Variants in NREP observed in about 807,000 individuals in gnomAD.
NREP encodes neuronal regeneration-related protein.
Under a neutral mutation model 8.6 loss-of-function variants are expected in NREP, and 5 were observed. The ratio of observed to expected loss-of-function variants is 0.58; its 90% confidence interval spans 0.30 to 1.22. The LOEUF (loss-of-function observed/expected upper bound fraction) is 1.22, where lower values mean the gene tolerates loss of function less well. Among genes scored for constraint, NREP ranks in the 50% most tolerant of loss-of-function variants. The pLI is 0.07. For missense variants in NREP, 86 were observed against 82.5 expected (o/e 1.04, Z -0.17); for synonymous variants, 27 against 28.0 (o/e 0.96, Z 0.11).
chr5:111,880,356 G>T (rs747731035), intron 2 of NREP, among the ~76,000 whole-genome samples: 23 of 152,182 alleles, frequency 1.5e-4, no homozygotes, highest in Non-Finnish European at 2.5e-4. Flanking sequence ...AGACGAGGTG[G>T]CTTAAACAAT....
intron 2 of NREP, among the ~76,000 whole-genome samples, chr5:111,839,893 C>A (rs1216583653): frequency 1.3e-5 from 2 of 152,024 alleles, no homozygotes; most frequent in African/African-American, 4.8e-5. Flanking sequence ...AGGTTAGTTA[C>A]TATTAACTCC....
intron 2 of NREP, among the ~76,000 whole-genome samples, chr5:111,775,955 T>C (rs1055641745): frequency 1.3e-5 from 2 of 152,158 alleles, no homozygotes; most frequent in Non-Finnish European, 2.9e-5. Context: ...ATATTCACTA[T>C]CACTTATAAT....
intron 2 of NREP, among the ~76,000 whole-genome samples, chr5:111,965,942 T>G (rs753210628): frequency 2.6e-5 from 4 of 152,054 alleles, no homozygotes; most frequent in Non-Finnish European, 4.4e-5. Flanking sequence ...GTTGAAGAAA[T>G]GATAGCACAG....
intron 2 of NREP, among the ~76,000 whole-genome samples, chr5:111,748,042 C>A: frequency 6.6e-6 from 1 of 152,120 alleles, no homozygotes; most frequent in East Asian, 1.9e-4. Context: ...CCATTAATAC[C>A]CTCACGCATA....
At chr5:111,840,730 C>T (rs1025198590) in intron 2 of NREP, among the ~76,000 whole-genome samples, 2 of 152,090 alleles carry the variant, frequency 1.3e-5, no homozygotes, top group Non-Finnish European at 2.9e-5. Context: ...ATGAATCAGA[C>T]ACAATCTTTT....
In NREP at chr5:111,855,011, A is replaced by AT. The variant is rs199697888; in HGVS notation, c.136-119505dup. 3.4e-3 allele frequency among the ~76,000 whole-genome samples: 516 copies of AT among 151,856 alleles called. 3 individuals are homozygous for AT. Among genetic ancestry groups the AT allele is most frequent in the African/African-American group, 0.012 (497 of 41,464 alleles). On this transcript the variant is annotated intron_variant, in intron 2 of 3. Coordinates refer to the NREP transcript ENST00000395634. ...CTACCAATGTTTATTCAGGTCACTG[A>AT]TTTTTTTTTATTAATATGATACAAT...
At chr5:111,921,754 T>C (rs1755246493) in intron 2 of NREP, among the ~76,000 whole-genome samples, 1 of 152,164 alleles carries the variant, frequency 6.6e-6, no homozygotes, top group South Asian at 2.1e-4. Context: ...ACTTGAATTG[T>C]ATCCCCCAGA....
chr5:111,907,085 G>T (rs1157579405), intron 2 of NREP, among the ~76,000 whole-genome samples: 1 of 151,898 alleles, frequency 6.6e-6, no homozygotes, highest in Non-Finnish European at 1.5e-5. Flanking sequence ...GTATACTTTG[G>T]ATTCAAGTTC....
chr5:111,787,419 G>A (rs551946535), intron 2 of NREP, among the ~76,000 whole-genome samples: 310 of 151,938 alleles, frequency 2.0e-3, no homozygotes, highest in Middle Eastern at 3.4e-3. Context: ...TGTGGGTTGC[G>A]AAGAAAACTA....
At chr5:111,755,443 C>G (rs1750637890) in intron 2 of NREP, 1 of 325,332 alleles carries the variant, frequency 3.1e-6, no homozygotes, top group African/African-American at 2.1e-5. Flanking sequence ...CTACTGCTGT[C>G]ACCACCTCCA....
intron 2 of NREP, among the ~76,000 whole-genome samples, chr5:111,890,073 G>A (rs1048442567): frequency 6.6e-6 from 1 of 152,188 alleles, no homozygotes; most frequent in Non-Finnish European, 1.5e-5. Flanking sequence ...CCATCTGGAT[G>A]TATATGTGCA....
At chr5:111,845,800 A>T (rs1328852124) in intron 2 of NREP, among the ~76,000 whole-genome samples, 1 of 152,050 alleles carries the variant, frequency 6.6e-6, no homozygotes, top group East Asian at 1.9e-4. Flanking sequence ...GAGTGCATGT[A>T]ATTCTGACAT....
At chr5:111,790,935 T>A (rs1450576507) in intron 2 of NREP, among the ~76,000 whole-genome samples, 4 of 152,138 alleles carry the variant, frequency 2.6e-5, no homozygotes, top group Non-Finnish European at 4.4e-5. Flanking sequence ...ACTTTTCATA[T>A]ATGTGGGTTC....
intron 2 of NREP, among the ~76,000 whole-genome samples, chr5:111,881,512 G>A (rs551539696): frequency 3.3e-4 from 51 of 152,260 alleles, no homozygotes; most frequent in African/African-American, 1.2e-3. Context: ...ATCTGAGAAT[G>A]GGCAGACTGC....
chr5:111,963,128 C>T (rs1230177537), intron 2 of NREP, among the ~76,000 whole-genome samples: 1 of 152,258 alleles, frequency 6.6e-6, no homozygotes, highest in East Asian at 1.9e-4. Context: ...GACAGCAGAG[C>T]TAAGAGAGAA....
intron 2 of NREP, among the ~76,000 whole-genome samples, chr5:111,829,638 T>G (rs1045700869): frequency 6.6e-6 from 1 of 152,186 alleles, no homozygotes; most frequent in Admixed American, 6.5e-5. Context: ...TCACAATGGA[T>G]GCACTCAGAG....
chr5:111,767,965 T>C (rs1210399053), intron 2 of NREP, among the ~76,000 whole-genome samples: 1 of 152,182 alleles, frequency 6.6e-6, no homozygotes, highest in Non-Finnish European at 1.5e-5. Flanking sequence ...GTACCTAGCC[T>C]GTAGTACATG....
chr5:111,898,306 G>GT (rs1754562536), intron 2 of NREP, among the ~76,000 whole-genome samples: 2 of 152,020 alleles, frequency 1.3e-5, no homozygotes, highest in South Asian at 4.2e-4. Flanking sequence ...TTCAGAGGTG[G>GT]TAAAAAAATT....
intron 2 of NREP, among the ~76,000 whole-genome samples, chr5:111,940,866 C>T (rs533836747): frequency 1.3e-5 from 2 of 152,100 alleles, no homozygotes; most frequent in East Asian, 3.9e-4. Flanking sequence ...GGTTATAGTA[C>T]AGTGAAAGGA....
Sources: allele counts gnomAD v4.1 joint callset (sites outside exome capture counted in the v4.1 genomes callset), GRCh38; gene constraint gnomAD v4.1.1; transcripts MANE v1.5; gene names NCBI Gene and HGNC (gene_info 2026-07-23, HGNC 2026-07-21).